The following PARD3 variants were observed in gnomAD, a reference collection of about 807,000 sequenced individuals.
PARD3 encodes the protein par-3 family cell polarity regulator, also known as partitioning defective 3 homolog.
Under a neutral mutation model 155.4 loss-of-function variants are expected in PARD3, and 75 were observed. That is an observed-to-expected ratio of 0.48 (90% CI 0.40 to 0.58). The LOEUF is 0.58. Among genes scored for constraint, PARD3 ranks in the 20% least tolerant of loss-of-function variants. The pLI, the probability that PARD3 is intolerant of heterozygous loss-of-function variation, is 0.00. For synonymous variants in PARD3, 576 were observed against 610.5 expected, an observed-to-expected ratio of 0.94 and a Z score of 0.83; for missense variants, 1,642 against 1,721.7, an observed-to-expected ratio of 0.95 and a Z score of 0.82.
intron 22 of PARD3, among the ~76,000 whole-genome samples, chr10:34,159,848 A>G (rs1033226914): frequency 6.6e-5 from 10 of 152,248 alleles, no homozygotes; most frequent in Admixed American, 2.0e-4. Context: ...AACAGCTACT[A>G]GGAAACAGTG....
chr10:34,800,132 G>GC (rs1842718508), intron 1 of PARD3, among the ~76,000 whole-genome samples: 1 of 129,598 alleles, frequency 7.7e-6, no homozygotes, highest in Non-Finnish European at 1.6e-5. Context: ...CCTCAGTTGT[G>GC]CAACTTCCCA....
At chr10:34,453,322 C>T (rs2077161533) in intron 4 of PARD3, among the ~76,000 whole-genome samples, 1 of 152,108 alleles carries the variant, frequency 6.6e-6, no homozygotes, top group African/African-American at 2.4e-5. Context: ...TTTTTGTTAC[C>T]ACTCTGTTCT....
At chr10:34,374,641 T>C (rs1841033552) in intron 11 of PARD3, among the ~76,000 whole-genome samples, 1 of 152,134 alleles carries the variant, frequency 6.6e-6, no homozygotes, top group African/African-American at 2.4e-5. Flanking sequence ...CCCTTGAAAA[T>C]ATCCCTACAG....
intron 2 of PARD3, among the ~76,000 whole-genome samples, chr10:34,672,845 AG>A (rs763792459): frequency 1.7e-4 from 26 of 152,228 alleles, no homozygotes; most frequent in Non-Finnish European, 3.4e-4. Context: ...TTTACTTAGT[AG>A]TATGAAGTGG....
chr10:34,463,732 C>T (rs984579391), intron 4 of PARD3, among the ~76,000 whole-genome samples: 11 of 152,126 alleles, frequency 7.2e-5, no homozygotes, highest in African/African-American at 1.7e-4. Context: ...CCCATAACAA[C>T]GTCAATGGAC....
intron 2 of PARD3, among the ~76,000 whole-genome samples, chr10:34,542,397 G>T (rs1462984677): frequency 6.6e-6 from 1 of 152,084 alleles, no homozygotes; most frequent in African/African-American, 2.4e-5. Flanking sequence ...CAATATTATT[G>T]ACCTCTAAAC....
chr10:34,393,197 T>G (rs919564524), intron 7 of PARD3, among the ~76,000 whole-genome samples: 1 of 151,436 alleles, frequency 6.6e-6, no homozygotes, highest in African/African-American at 2.4e-5. Context: ...CAATTACTAT[T>G]TTCACAAGGA....
chr10:34,566,629 AGTT>A (rs2085962629), intron 2 of PARD3, among the ~76,000 whole-genome samples: 2 of 152,316 alleles, frequency 1.3e-5, no homozygotes, highest in African/African-American at 4.8e-5. Flanking sequence ...TAAATATGTG[AGTT>A]TTTTCTCTTA....
At chr10:34,497,871 C>T (rs906746538) in intron 3 of PARD3, among the ~76,000 whole-genome samples, 1 of 151,904 alleles carries the variant, frequency 6.6e-6, no homozygotes. Context: ...AAAGATGAAA[C>T]ACAATTAATT....
At chr10:34,677,005 T>G (rs1364358608) in intron 2 of PARD3, among the ~76,000 whole-genome samples, 1 of 152,194 alleles carries the variant, frequency 6.6e-6, no homozygotes, top group African/African-American at 2.4e-5. Context: ...TTACATTAAT[T>G]TGAAGAAAAT....
At chr10:34,788,224 T>C (rs1354966471) in intron 1 of PARD3, among the ~76,000 whole-genome samples, 1 of 151,958 alleles carries the variant, frequency 6.6e-6, no homozygotes, top group Non-Finnish European at 1.5e-5. Flanking sequence ...AAGAAAAAAA[T>C]TAATATTACA....
chr10:34,611,520 T>C (rs945833706), intron 2 of PARD3, among the ~76,000 whole-genome samples: 4 of 152,172 alleles, frequency 2.6e-5, no homozygotes, highest in African/African-American at 9.6e-5. Context: ...TGATGCCTTT[T>C]AAATTTAATT....
At chr10:34,296,391 C>A (rs1589090547) in intron 20 of PARD3, among the ~76,000 whole-genome samples, 1 of 151,964 alleles carries the variant, frequency 6.6e-6, no homozygotes, top group South Asian at 2.1e-4. Flanking sequence ...CCACCACACC[C>A]AGTTAATTTT....
In PARD3 at chr10:34,741,473, C is replaced by A. The variant is rs554924211; in HGVS notation, c.121-45054G>T. Among the ~76,000 whole-genome samples, 23 of 152,268 alleles carry A rather than the reference C, an allele frequency of 1.5e-4. 1 individual carries two copies. Among genetic ancestry groups the A allele is most frequent in the Non-Finnish European group, 2.9e-4 (20 of 68,020 alleles). On this transcript the variant is annotated intron_variant, in intron 1 of 24. Coordinates refer to ENST00000374788, the MANE Select transcript of PARD3 (RefSeq NM_001184785.2). ...GTGCTGGGATTACAGGCATGAGCCA[C>A]TGTGCCCAGCCTATTTTTATTTATA...
At chr10:34,321,787 G>A (rs771953098) in intron 19 of PARD3, among the ~76,000 whole-genome samples, 12 of 152,206 alleles carry the variant, frequency 7.9e-5, no homozygotes, top group Non-Finnish European at 1.5e-4. Context: ...TCACCAACAA[G>A]TTTGGAAAAG....
At chr10:34,725,159 G>C (rs1245479716) in intron 1 of PARD3, among the ~76,000 whole-genome samples, 75 of 149,360 alleles carry the variant, frequency 5.0e-4, no homozygotes, top group African/African-American at 1.8e-3. Flanking sequence ...GTGACAGAGA[G>C]AGAGAGAGAG....
chr10:34,584,727 AATC>A (rs1441972210), intron 2 of PARD3, among the ~76,000 whole-genome samples: 1 of 152,170 alleles, frequency 6.6e-6, no homozygotes, highest in African/African-American at 2.4e-5. Context: ...TGGTTTGCCC[AATC>A]ATAATGCCAT....
At chr10:34,724,234 A>T (rs1564548334) in intron 1 of PARD3, among the ~76,000 whole-genome samples, 1 of 152,038 alleles carries the variant, frequency 6.6e-6, no homozygotes. Context: ...ATTTTTTTTT[A>T]AGTCAATGCA....
chr10:34,641,752 G>C (rs551620167), intron 2 of PARD3, among the ~76,000 whole-genome samples: 58 of 152,322 alleles, frequency 3.8e-4, no homozygotes, highest in African/African-American at 1.4e-3. Flanking sequence ...GAAATGGGCT[G>C]ATGACCCACT....
Sources: gnomAD v4.1 joint callset for allele counts (sites outside exome capture counted in the v4.1 genomes callset) on GRCh38, gnomAD v4.1.1 for gene constraint, MANE v1.5 for transcripts, NCBI Gene and HGNC (gene_info 2026-07-23, HGNC 2026-07-21) for gene names.